AGBL4: variants seen among roughly 807,000 people sequenced by gnomAD.
The protein encoded by AGBL4 is cytosolic carboxypeptidase 6.
AGBL4 carries 58 observed loss-of-function variants against 66.4 expected under a neutral mutation model. The ratio of observed to expected loss-of-function variants is 0.87; its 90% CI spans 0.71 to 1.09. The LOEUF (loss-of-function observed/expected upper bound fraction) is 1.09, where lower values mean the gene tolerates loss of function less well. AGBL4 is among the 50% of genes least tolerant of loss of function. The probability of loss-of-function intolerance (pLI) is 0.00; values close to 1 mark genes in which losing one functional copy is unlikely to be tolerated. For synonymous variants in AGBL4, 234 were observed against 222.9 expected, an observed-to-expected ratio of 1.05 and a Z score of -0.44; for missense variants, 579 against 631.0, an observed-to-expected ratio of 0.92 and a Z score of 0.88.
chr1:48,735,301 G>A (rs1383838270), intron 6 of AGBL4, among the ~76,000 whole-genome samples: 1 of 152,114 alleles, frequency 6.6e-6, no homozygotes, highest in East Asian at 1.9e-4. Context: ...GTGAGAATAT[G>A]AACTCCTTGC....
At chr1:49,077,197 G>A (rs1244872161) in intron 4 of AGBL4, among the ~76,000 whole-genome samples, 1 of 151,962 alleles carries the variant, frequency 6.6e-6, no homozygotes, top group Middle Eastern at 3.2e-3. Flanking sequence ...CATAGTGGGT[G>A]CTTAAAGATT....
At chr1:48,543,765 A>T (rs1644115456) in intron 11 of AGBL4, among the ~76,000 whole-genome samples, 1 of 152,220 alleles carries the variant, frequency 6.6e-6, no homozygotes. Flanking sequence ...TAGGACATGA[A>T]ACTTAGCATT....
chr1:49,256,708 A>T (rs1254816528), intron 3 of AGBL4, among the ~76,000 whole-genome samples: 1 of 152,206 alleles, frequency 6.6e-6, no homozygotes, highest in African/African-American at 2.4e-5. Flanking sequence ...CAAGAAAAGC[A>T]GCAACAGAGT....
At chr1:49,213,686 A>C (rs113955393) in intron 4 of AGBL4, among the ~76,000 whole-genome samples, 10 of 152,246 alleles carry the variant, frequency 6.6e-5, no homozygotes, top group African/African-American at 2.4e-4. Flanking sequence ...ATATTTCTTT[A>C]TAACAATGCA....
At chr1:49,433,905 A>T (rs568511700) in intron 3 of AGBL4, among the ~76,000 whole-genome samples, 4 of 152,218 alleles carry the variant, frequency 2.6e-5, no homozygotes, top group South Asian at 4.1e-4. Context: ...AGCACAAAAA[A>T]TTACAAGAAA....
intron 6 of AGBL4, among the ~76,000 whole-genome samples, chr1:48,732,724 A>T (rs1056283120): frequency 6.6e-6 from 1 of 152,178 alleles, no homozygotes; most frequent in South Asian, 2.1e-4. Flanking sequence ...CCAAAGGCAG[A>T]TCATCTGTAA....
chr1:48,603,277 C>T (rs1645102603), intron 9 of AGBL4, among the ~76,000 whole-genome samples: 1 of 152,086 alleles, frequency 6.6e-6, no homozygotes, highest in Non-Finnish European at 1.5e-5. Context: ...CGAGACAATC[C>T]TGGTCAACAT....
At chr1:48,689,585 G>T (rs1055612431) in intron 6 of AGBL4, among the ~76,000 whole-genome samples, 1 of 152,012 alleles carries the variant, frequency 6.6e-6, no homozygotes, top group African/African-American at 2.4e-5. Flanking sequence ...CAATGAAGAG[G>T]GTAGCCATCA....
chr1:48,852,433 C>T (rs1357408871), intron 6 of AGBL4, among the ~76,000 whole-genome samples: 1 of 152,046 alleles, frequency 6.6e-6, no homozygotes, highest in Admixed American at 6.5e-5. Flanking sequence ...CGTGACATGC[C>T]CATGGGTCCT....
At chr1:49,799,769 T>C (rs752626192) in intron 2 of AGBL4, among the ~76,000 whole-genome samples, 7 of 152,180 alleles carry the variant, frequency 4.6e-5, no homozygotes, top group Middle Eastern at 3.2e-3. Flanking sequence ...TGAGTCTGCC[T>C]CAGGCGAGTA....
chr1:49,526,077 G>A (rs576425153), intron 3 of AGBL4, among the ~76,000 whole-genome samples: 99 of 151,916 alleles, frequency 6.5e-4, no homozygotes, highest in African/African-American at 2.2e-3. Context: ...CTGGGCAACA[G>A]AGTGAGACTC....
At chr1:49,572,882 C>A (rs1189918390) in intron 3 of AGBL4, among the ~76,000 whole-genome samples, 1 of 152,068 alleles carries the variant, frequency 6.6e-6, no homozygotes, top group Non-Finnish European at 1.5e-5. Flanking sequence ...GGGTGGGAAC[C>A]ATCTAATCAG....
At chr1:49,980,942 T>C (rs1344048356) in intron 1 of AGBL4, among the ~76,000 whole-genome samples, 3 of 152,218 alleles carry the variant, frequency 2.0e-5, no homozygotes, top group East Asian at 1.9e-4. Flanking sequence ...CCAATTTATA[T>C]TGTTTTCTAA....
chr1:49,956,430 C>T (rs1164428878), intron 1 of AGBL4, among the ~76,000 whole-genome samples: 1 of 151,430 alleles, frequency 6.6e-6, no homozygotes, highest in African/African-American at 2.4e-5. Flanking sequence ...TAAAAAGAGG[C>T]ATAAAAAAAT....
At chr1:49,697,279 A>T (rs1647004323) in intron 3 of AGBL4, 34 bp downstream of exon 3, 1 of 1,519,016 alleles carries the variant, frequency 6.6e-7, no homozygotes, top group African/African-American at 1.4e-5. Context: ...ATTCTTACCA[A>T]AACCACTCTG....
chr1:49,929,934 A>C (rs1412963940), intron 1 of AGBL4, among the ~76,000 whole-genome samples: 6 of 152,126 alleles, frequency 3.9e-5, no homozygotes, highest in African/African-American at 1.4e-4. Context: ...GACTGTGATA[A>C]GTTACAGATG....
intron 2 of AGBL4, chr1:49,846,286 C>G: frequency 1.3e-6 from 2 of 1,501,906 alleles, no homozygotes; most frequent in South Asian, 2.3e-5. Flanking sequence ...GCACCCACCT[C>G]ACACAGCACT....
At position 49,015,590 on chromosome 1, in the gene AGBL4, T is replaced by G. The variant is rs376147509; in HGVS notation, c.594+29994A>C. 4.5e-4 allele frequency among the ~76,000 whole-genome samples: 67 copies of G among 148,692 alleles called. 1 individual carries two copies. In the South Asian group the frequency reaches 9.7e-3, roughly 22 times the overall value. Reference sequence around the variant, plus strand: ...GGCGCCCGCCACCACGCCTGGCTAATTTTTTTTTTATTTTTAGTACAGACG... The same window carrying G: ...GGCGCCCGCCACCACGCCTGGCTAAGTTTTTTTTTATTTTTAGTACAGACG... On this transcript the variant is annotated intron_variant, in intron 5 of 13. Transcript: ENST00000371839.
intron 4 of AGBL4, among the ~76,000 whole-genome samples, chr1:49,130,060 G>A (rs1246492530): frequency 2.6e-5 from 4 of 151,674 alleles, no homozygotes. Flanking sequence ...TTCTCTGATG[G>A]CCAGTGATGG....
Sources: gnomAD v4.1 joint callset for allele counts (sites outside exome capture counted in the v4.1 genomes callset) on GRCh38, gnomAD v4.1.1 for gene constraint, MANE v1.5 for transcripts, NCBI Gene and HGNC (gene_info 2026-07-23, HGNC 2026-07-21) for gene names.